Variants in EYA2 observed in about 807,000 individuals in gnomAD.
EYA2 encodes the protein protein phosphatase EYA2.
EYA2 carries 31 observed loss-of-function variants against 69.2 expected under a neutral mutation model. That is an observed-to-expected ratio of 0.45 (90% confidence interval 0.34 to 0.60). The LOEUF is 0.60. EYA2 is among the 20% of genes least tolerant of loss of function. The pLI is 0.02. For missense variants in EYA2, 622 were observed against 701.2 expected (o/e 0.89, Z 1.28); for synonymous variants, 257 against 279.4 (o/e 0.92, Z 0.80).
In EYA2 at chr20:47,114,288, C is replaced by T. The variant is rs554502437; in HGVS notation, c.888+17120C>T. 2.0e-5 allele frequency among the ~76,000 whole-genome samples: 3 copies of T among 152,308 alleles called. No individual in the cohort carries two copies. In the South Asian group the frequency reaches 6.2e-4, roughly 32 times the overall value. The stretch of plus-strand genomic sequence containing the variant: ...GTTTTCTGTCCCCCTTTAAGGGTGA[C>T]GTTTTTAGCCTTTCCTCTTCAGAAG... On this transcript the variant is annotated intron_variant, in intron 9 of 15. Coordinates refer to ENST00000327619, the MANE Select transcript of EYA2 (RefSeq NM_005244.5).
intron 1 of EYA2, among the ~76,000 whole-genome samples, chr20:46,941,889 G>T (rs1986170161): frequency 2.0e-5 from 3 of 152,040 alleles, no homozygotes; most frequent in African/African-American, 7.2e-5. Flanking sequence ...CTCCTGAGCA[G>T]CTGAGACTAC....
intron 1 of EYA2, 89 bp from the exon 2 acceptor site, chr20:46,989,912 A>T (rs2146327856): frequency 1.5e-6 from 1 of 666,458 alleles, no homozygotes. Flanking sequence ...ATCAGTTGTA[A>T]TATTTATACT....
At chr20:46,968,777 C>A (rs1979946904) in intron 1 of EYA2, among the ~76,000 whole-genome samples, 1 of 152,028 alleles carries the variant, frequency 6.6e-6, no homozygotes, top group Admixed American at 6.5e-5. Flanking sequence ...AAAATCCCAC[C>A]CCGCCGCGCC....
chr20:47,082,409 C>G (rs1056622450), intron 7 of EYA2, among the ~76,000 whole-genome samples: 1 of 150,902 alleles, frequency 6.6e-6, no homozygotes, highest in African/African-American at 2.4e-5. Flanking sequence ...AGCAGTGTTG[C>G]AGGGTACTAG....
rs2034689967 is a variant in EYA2 at position 47,188,382 on chromosome 20, C to A, written c.*249C>A. 5 of 588,604 alleles carry A rather than the reference C, an allele frequency of 8.5e-6. No homozygotes were observed. The South Asian group carries it at 1.1e-4, about 13-fold the overall frequency. The allele number at this position is 588,604 out of a possible 1,614,324, so 36.5% of individuals were successfully genotyped here. ...AAAGGGCTGGCTCGGAGTCTAGACT[C>A]TTCTGTAAGACTCACAGAACAAAAG... On this transcript the variant is annotated 3_prime_UTR_variant, in exon 16 of 16. Coordinates refer to ENST00000327619, the MANE Select transcript of EYA2 (RefSeq NM_005244.5).
intron 5 of EYA2, among the ~76,000 whole-genome samples, chr20:47,028,463 C>A (rs1485979722): frequency 6.6e-6 from 1 of 152,210 alleles, no homozygotes; most frequent in Non-Finnish European, 1.5e-5. Context: ...CAAAGCAAAG[C>A]AGGTCTACGT....
At chr20:47,158,012 A>T (rs1249515230) in intron 10 of EYA2, among the ~76,000 whole-genome samples, 1 of 151,960 alleles carries the variant, frequency 6.6e-6, no homozygotes, top group Non-Finnish European at 1.5e-5. Flanking sequence ...CTGAAGTTGG[A>T]AGGCCCCTGC....
In EYA2 at chr20:47,096,460, A is replaced by C. The variant is rs2032249228; in HGVS notation, c.805-625A>C. On this transcript the variant is annotated intron_variant, in intron 8 of 15. Transcript: ENST00000327619. ...GGAGGATGTATGGGAAAAGGTAGGGACTCCCATATCGATAGCTCCATGTTT... is the reference window on the plus strand; with the variant it reads ...GGAGGATGTATGGGAAAAGGTAGGGCCTCCCATATCGATAGCTCCATGTTT... Among the ~76,000 whole-genome samples the C allele has an allele frequency of 2.0e-5, 3 of 152,144 alleles. 1 individual carries two copies. The South Asian group carries it at 6.2e-4, about 32-fold the overall frequency.
chr20:46,916,407 AGT>A (rs1984905727), intron 1 of EYA2, among the ~76,000 whole-genome samples: 1 of 122,752 alleles, frequency 8.1e-6, no homozygotes, highest in South Asian at 3.0e-4. Flanking sequence ...AATGTGGGTG[AGT>A]GTGTCAGAGT....
rs750713751 is a variant in EYA2, at chr20:47,074,199, C to T, written c.525C>T (p.Pro175=). The T allele has an allele frequency of 1.9e-6, 3 of 1,613,798 alleles. No individual in the cohort carries two copies. Among genetic ancestry groups the T allele is most frequent in the Non-Finnish European group, 2.5e-6 (3 of 1,179,824 alleles). Residue 175 remains proline (P), a synonymous_variant, in exon 7 of 16, where the codon CCC becomes CCT. Coordinates refer to ENST00000327619, the MANE Select transcript of EYA2 (RefSeq NM_005244.5). The part of the protein sequence containing the change: ...SYPGFPQSQY[P]QYYGSSYNPP... Reference sequence around the variant, plus strand: ...CCGGCTTCCCCCAGAGCCAGTACCCCCAGTATTACGGCTCATCCTACAACC... The same window carrying T: ...CCGGCTTCCCCCAGAGCCAGTACCCTCAGTATTACGGCTCATCCTACAACC...
chr20:47,154,241 A>G (rs1431131822), intron 10 of EYA2, among the ~76,000 whole-genome samples: 6 of 151,940 alleles, frequency 3.9e-5, no homozygotes. Flanking sequence ...CCAGAGAGAG[A>G]AAACAGCTGT....
chr20:47,012,937 ATGGACCACAGTC>A (rs1466384780), intron 4 of EYA2, among the ~76,000 whole-genome samples: 2 of 152,248 alleles, frequency 1.3e-5, no homozygotes, highest in African/African-American at 4.8e-5. Flanking sequence ...TAACTGATGC[ATGGACCACAGTC>A]TGGACAACAG....
At chr20:46,957,186 C>G (rs368798747) in intron 1 of EYA2, among the ~76,000 whole-genome samples, 15 of 152,338 alleles carry the variant, frequency 9.8e-5, no homozygotes, top group African/African-American at 3.6e-4. Context: ...TTCTATGATA[C>G]TGTCATGTCC....
At chr20:46,949,482 T>G (rs986508448) in intron 1 of EYA2, among the ~76,000 whole-genome samples, 1 of 152,154 alleles carries the variant, frequency 6.6e-6, no homozygotes, top group East Asian at 1.9e-4. Context: ...ATCAAGGAAC[T>G]GAGAGTCCAG....
intron 8 of EYA2, among the ~76,000 whole-genome samples, chr20:47,090,399 T>C (rs2032045591): frequency 6.6e-6 from 1 of 151,988 alleles, no homozygotes; most frequent in Non-Finnish European, 1.5e-5. Flanking sequence ...GCCACCATGC[T>C]CAGCTAATTT....
intron 1 of EYA2, among the ~76,000 whole-genome samples, chr20:46,895,423 A>C (rs1362484144): frequency 6.6e-6 from 1 of 152,242 alleles, no homozygotes; most frequent in Non-Finnish European, 1.5e-5. Flanking sequence ...ATAACCAAGA[A>C]GCAGAGCCAA....
chr20:46,936,508 C>T (rs1300019807), intron 1 of EYA2, among the ~76,000 whole-genome samples: 1 of 152,154 alleles, frequency 6.6e-6, no homozygotes, highest in Admixed American at 6.5e-5. Context: ...TATTAAATGG[C>T]TGTTCTCAGA....
chr20:46,921,419 C>A (rs1256470644), intron 1 of EYA2, among the ~76,000 whole-genome samples: 1 of 152,226 alleles, frequency 6.6e-6, no homozygotes. Flanking sequence ...AGCTGGCATC[C>A]ATTCATCTCC....
intron 1 of EYA2, among the ~76,000 whole-genome samples, chr20:46,958,650 TA>T (rs1462972599): frequency 6.6e-6 from 1 of 152,126 alleles, no homozygotes; most frequent in Non-Finnish European, 1.5e-5. Context: ...TCGTTACCCA[TA>T]AAGTACCCGT....
Sources: gnomAD v4.1 joint callset for allele counts (sites outside exome capture counted in the v4.1 genomes callset) on GRCh38, gnomAD v4.1.1 for gene constraint, MANE v1.5 for transcripts, NCBI Gene and HGNC (gene_info 2026-07-23, HGNC 2026-07-21) for gene names.